Variants in IGF2BP2 observed in about 807,000 individuals in gnomAD.
IGF2BP2 encodes insulin-like growth factor 2 mRNA-binding protein 2.
IGF2BP2 carries 17 observed loss-of-function variants against 75.8 expected under a neutral mutation model. The observed-to-expected ratio is 0.22, with a 90% CI of 0.15 to 0.34. The LOEUF is 0.34. IGF2BP2 is among the 10% of genes least tolerant of loss of function. The pLI, the probability that IGF2BP2 is intolerant of heterozygous loss-of-function variation, is 1.00. For missense variants in IGF2BP2, 516 were observed against 772.4 expected (o/e 0.67, Z 3.93); for synonymous variants, 288 against 295.6 (o/e 0.97, Z 0.26).
At chr3:185,732,700 A>G (rs1312066937) in intron 2 of IGF2BP2, among the ~76,000 whole-genome samples, 4 of 152,246 alleles carry the variant, frequency 2.6e-5, no homozygotes, top group Non-Finnish European at 5.9e-5. Flanking sequence ...AATAAAATGA[A>G]GAGTATATGA....
At chr3:185,723,935 G>A (rs575119644) in intron 2 of IGF2BP2, among the ~76,000 whole-genome samples, 32 of 152,336 alleles carry the variant, frequency 2.1e-4, no homozygotes, top group Non-Finnish European at 3.4e-4. Context: ...GGAGGCAACC[G>A]AAGCGGGTAA....
chr3:185,745,429 T>C (rs1341700971), intron 2 of IGF2BP2, among the ~76,000 whole-genome samples: 1 of 152,176 alleles, frequency 6.6e-6, no homozygotes, highest in Non-Finnish European at 1.5e-5. Context: ...AGAGAGGTTT[T>C]ATAAATATTT....
At chr3:185,795,676 T>G (rs945247295) in intron 2 of IGF2BP2, among the ~76,000 whole-genome samples, 11 of 152,000 alleles carry the variant, frequency 7.2e-5, no homozygotes, top group African/African-American at 2.7e-4. Flanking sequence ...AGGTCAGGAG[T>G]TCGAGACCAG....
chr3:185,755,077 T>TG (rs1731434623), intron 2 of IGF2BP2, among the ~76,000 whole-genome samples: 1 of 152,044 alleles, frequency 6.6e-6, no homozygotes, highest in Admixed American at 6.6e-5. Flanking sequence ...TCCAAGACAA[T>TG]GGGGGAAAAA....
At chr3:185,755,060 G>A (rs950715309) in intron 2 of IGF2BP2, among the ~76,000 whole-genome samples, 3 of 152,182 alleles carry the variant, frequency 2.0e-5, no homozygotes, top group Admixed American at 1.3e-4. Context: ...GGAGCCAAGT[G>A]CTAACATCCA....
chr3:185,688,887 A>C (rs1438375058), intron 6 of IGF2BP2, among the ~76,000 whole-genome samples: 1 of 152,188 alleles, frequency 6.6e-6, no homozygotes, highest in Non-Finnish European at 1.5e-5. Context: ...AACAGGGAGG[A>C]AACTAAACAG....
At chr3:185,675,998 A>C (rs781730808) in intron 7 of IGF2BP2, 85 bp from the exon 8 acceptor site, 431 of 1,522,094 alleles carry the variant, frequency 2.8e-4, no homozygotes, top group Non-Finnish European at 3.7e-4. Flanking sequence ...TTTTCTTATA[A>C]ATGGAAGTCA....
intron 2 of IGF2BP2, among the ~76,000 whole-genome samples, chr3:185,749,737 T>C (rs1730712997): frequency 6.6e-6 from 1 of 152,198 alleles, no homozygotes; most frequent in Admixed American, 6.5e-5. Context: ...AGACTTGGAA[T>C]TAGCCAGGAT....
At chr3:185,804,987 C>T (rs903478901) in intron 2 of IGF2BP2, among the ~76,000 whole-genome samples, 8 of 130,732 alleles carry the variant, frequency 6.1e-5, no homozygotes, top group African/African-American at 2.3e-4. Flanking sequence ...AGCAAGACTC[C>T]GTCTCAAAAA....
chr3:185,698,055 C>T (rs573851103), intron 3 of IGF2BP2, among the ~76,000 whole-genome samples: 1 of 152,272 alleles, frequency 6.6e-6, no homozygotes, highest in African/African-American at 2.4e-5. Context: ...GGCTTATTTG[C>T]TGGTGCTTGG....
chr3:185,705,884 G>C (rs1474471978), intron 2 of IGF2BP2, among the ~76,000 whole-genome samples: 1 of 152,132 alleles, frequency 6.6e-6, no homozygotes, highest in Non-Finnish European at 1.5e-5. Flanking sequence ...CACCACCTTG[G>C]GGGTAAGGAT....
chr3:185,673,197 T>G (rs73175558), intron 9 of IGF2BP2, among the ~76,000 whole-genome samples: 220 of 152,336 alleles, frequency 1.4e-3, no homozygotes, highest in Non-Finnish European at 2.7e-3. Context: ...ACTCATTACA[T>G]GGTATGTGAA....
chr3:185,754,365 G>A (rs1394329972), intron 2 of IGF2BP2, among the ~76,000 whole-genome samples: 1 of 152,048 alleles, frequency 6.6e-6, no homozygotes, highest in Non-Finnish European at 1.5e-5. Flanking sequence ...CACGATTTCT[G>A]TACAGACTGC....
In IGF2BP2 at chr3:185,644,556, T is replaced by C. The variant is rs1713170767; in HGVS notation, c.*975A>G. The C allele has an allele frequency of 7.1e-6, 1 of 140,896 alleles. No homozygotes were observed. The highest frequency in any genetic ancestry group is 7.4e-5 in the Admixed American group (1 of 13,578). 8.7% of individuals were successfully genotyped at this position (140,896 alleles called of 1,614,324 possible). A position where few individuals can be genotyped will look rare whatever the true frequency, so the allele number is the denominator to read the frequency against. Reference sequence around the variant, plus strand: ...TTGTGTGTTTCGCTTTTGTTCCTTTTGTGTGATGTGATACTCAGAGCACTG... The same window carrying C: ...TTGTGTGTTTCGCTTTTGTTCCTTTCGTGTGATGTGATACTCAGAGCACTG... On this transcript the variant is annotated 3_prime_UTR_variant, in exon 16 of 16. Transcript: ENST00000382199.
chr3:185,648,705 C>A (rs1714041608), intron 14 of IGF2BP2, among the ~76,000 whole-genome samples: 1 of 152,146 alleles, frequency 6.6e-6, no homozygotes, highest in Non-Finnish European at 1.5e-5. Context: ...CTGGCTCATT[C>A]CAACAAGCTT....
intron 2 of IGF2BP2, among the ~76,000 whole-genome samples, chr3:185,748,186 G>C (rs1387691478): frequency 1.3e-5 from 2 of 152,022 alleles, no homozygotes; most frequent in African/African-American, 4.8e-5. Context: ...TTACAGGCGT[G>C]AGCCACCATG....
chr3:185,807,819 T>C (rs569189130), intron 2 of IGF2BP2, among the ~76,000 whole-genome samples: 1 of 152,284 alleles, frequency 6.6e-6, no homozygotes, highest in South Asian at 2.1e-4. Flanking sequence ...AACAACCACA[T>C]GAGTAAGCTT....
At chr3:185,701,798 A>T (rs149077492) in intron 2 of IGF2BP2, among the ~76,000 whole-genome samples, 1 of 152,182 alleles carries the variant, frequency 6.6e-6, no homozygotes, top group East Asian at 1.9e-4. Context: ...GGAGATCACT[A>T]CGGTAGAACC....
intron 4 of IGF2BP2, chr3:185,696,301 A>G (rs912764279): frequency 3.3e-6 from 1 of 305,252 alleles, no homozygotes; most frequent in Admixed American, 4.5e-5. Flanking sequence ...AAATCCAATT[A>G]CTCCTAAGTG....
Sources: gnomAD v4.1 joint callset for allele counts (sites outside exome capture counted in the v4.1 genomes callset) on GRCh38, gnomAD v4.1.1 for gene constraint, MANE v1.5 for transcripts, NCBI Gene and HGNC (gene_info 2026-07-23, HGNC 2026-07-21) for gene names.